ENTREP2: variants seen among roughly 807,000 people sequenced by gnomAD.
The protein encoded by ENTREP2 is protein ENTREP2.
the ENTREP2 span, among the ~76,000 whole-genome samples, chr15:29,488,668 A>G: frequency 6.6e-6 from 1 of 152,238 alleles, no homozygotes. Flanking sequence ...TCTTGAAATC[A>G]GCGAGAGAGG....
chr15:29,166,155 A>G, the ENTREP2 span, among the ~76,000 whole-genome samples: 2 of 152,186 alleles, frequency 1.3e-5, no homozygotes, highest in African/African-American at 4.8e-5. Flanking sequence ...CAAAATTAGC[A>G]TACAAGGGAC....
At chr15:29,347,101 C>A in the ENTREP2 span, among the ~76,000 whole-genome samples, 1 of 152,208 alleles carries the variant, frequency 6.6e-6, no homozygotes, top group Admixed American at 6.5e-5. Context: ...TGTTTAAATG[C>A]AATCCAAACT....
At chr15:29,395,079 G>A in the ENTREP2 span, among the ~76,000 whole-genome samples, 1 of 38,328 alleles carries the variant, frequency 2.6e-5, no homozygotes, top group African/African-American at 4.2e-5. Context: ...TAGTAGAGAC[G>A]GGGTTTCACC....
chr15:29,502,805 G>A, the ENTREP2 span, among the ~76,000 whole-genome samples: 1 of 151,970 alleles, frequency 6.6e-6, no homozygotes, highest in African/African-American at 2.4e-5. Context: ...TTTCTCGTAA[G>A]AAGATATACA....
chr15:29,287,025 C>G, the ENTREP2 span, among the ~76,000 whole-genome samples: 1 of 152,196 alleles, frequency 6.6e-6, no homozygotes, highest in Non-Finnish European at 1.5e-5. Context: ...TGCAACTGGG[C>G]TGTACCCAAG....
chr15:29,526,611 G>A, the ENTREP2 span, among the ~76,000 whole-genome samples: 2 of 151,750 alleles, frequency 1.3e-5, no homozygotes, highest in Non-Finnish European at 2.9e-5. Flanking sequence ...ATAGGCACAT[G>A]TCACCACACC....
At chr15:29,247,036 G>A in the ENTREP2 span, among the ~76,000 whole-genome samples, 1 of 151,460 alleles carries the variant, frequency 6.6e-6, no homozygotes, top group Non-Finnish European at 1.5e-5. Flanking sequence ...TAGCAGGAAG[G>A]GGAGGTGCTA....
chr15:29,405,706 C>T, the ENTREP2 span, among the ~76,000 whole-genome samples: 1,495 of 152,336 alleles, frequency 9.8e-3, 19 homozygotes, highest in African/African-American at 0.034. Context: ...GCCCAGAGCA[C>T]GCTTGTTTCA....
chr15:29,358,028 C>T, the ENTREP2 span, among the ~76,000 whole-genome samples: 1 of 152,036 alleles, frequency 6.6e-6, no homozygotes, highest in Non-Finnish European at 1.5e-5. Context: ...AACCATGCGA[C>T]ATCATTTCAT....
chr15:29,196,495 G>A, the ENTREP2 span: 2 of 1,551,712 alleles, frequency 1.3e-6, no homozygotes, highest in South Asian at 2.4e-5. Context: ...GTCTCCCCGA[G>A]GTTGCTGCAG....
At chr15:29,652,588 C>G in the ENTREP2 span, among the ~76,000 whole-genome samples, 1 of 152,246 alleles carries the variant, frequency 6.6e-6, no homozygotes, top group African/African-American at 2.4e-5. Flanking sequence ...CTGTGACTCC[C>G]TCTTTGAGGC....
chr15:29,284,152 G>C, the ENTREP2 span, among the ~76,000 whole-genome samples: 2 of 152,146 alleles, frequency 1.3e-5, no homozygotes, highest in African/African-American at 4.8e-5. Flanking sequence ...AGATTGAAAG[G>C]GTTCTGAAAA....
At chr15:29,359,115 G>A in the ENTREP2 span, among the ~76,000 whole-genome samples, 12 of 152,188 alleles carry the variant, frequency 7.9e-5, no homozygotes, top group South Asian at 2.1e-4. Flanking sequence ...AGAGCAAAAT[G>A]TGACAGAAAG....
chr15:29,634,180 C>T, the ENTREP2 span, among the ~76,000 whole-genome samples: 12 of 151,990 alleles, frequency 7.9e-5, no homozygotes, highest in Non-Finnish European at 7.4e-5. Flanking sequence ...GGGAGGGTGG[C>T]GGAGACCCTA....
At chr15:29,563,039 C>T in the ENTREP2 span, among the ~76,000 whole-genome samples, 4 of 152,148 alleles carry the variant, frequency 2.6e-5, no homozygotes, top group Non-Finnish European at 4.4e-5. Flanking sequence ...GATCCACCTG[C>T]GTCAGCCTCC....
the ENTREP2 span, among the ~76,000 whole-genome samples, chr15:29,433,746 G>A: frequency 6.9e-6 from 1 of 144,776 alleles, no homozygotes; most frequent in African/African-American, 2.6e-5. Context: ...GGGGTCTCAA[G>A]GTCTCTCAGA....
At chr15:29,652,259 G>A in the ENTREP2 span, among the ~76,000 whole-genome samples, 2 of 152,132 alleles carry the variant, frequency 1.3e-5, no homozygotes, top group Non-Finnish European at 2.9e-5. Context: ...CCCACCCCAG[G>A]GCCTTCTCCT....
chr15:29,217,181 T>C, the ENTREP2 span, among the ~76,000 whole-genome samples: 4 of 152,214 alleles, frequency 2.6e-5, no homozygotes, highest in Non-Finnish European at 5.9e-5. Context: ...GAATTGTGGA[T>C]ACAGCTTGCC....
the ENTREP2 span, chr15:29,124,663 C>T: frequency 5.9e-5 from 91 of 1,547,902 alleles, no homozygotes; most frequent in South Asian, 1.0e-3. Context: ...GCAGTCAAAG[C>T]GCTTTAGAAA....
Sources: allele counts gnomAD v4.1 joint callset (sites outside exome capture counted in the v4.1 genomes callset), GRCh38; gene constraint gnomAD v4.1.1; transcripts MANE v1.5; gene names NCBI Gene and HGNC (gene_info 2026-07-23, HGNC 2026-07-21).